The following GNG2 variants were observed in gnomAD, a reference collection of about 807,000 sequenced individuals.
The protein encoded by GNG2 is G protein subunit gamma 2.
A neutral mutation model predicts 5.5 loss-of-function variants in GNG2; 5 were observed. The ratio of observed to expected loss-of-function variants is 0.91; its 90% CI spans 0.48 to 1.92. The LOEUF (loss-of-function observed/expected upper bound fraction) is 1.92, where lower values mean the gene tolerates loss of function less well. GNG2 is among the 30% of genes most tolerant of loss of function. GNG2 has a pLI of 0.01. For missense variants in GNG2, 55 were observed against 88.4 expected (o/e 0.62, Z 1.52); for synonymous variants, 28 against 32.0 (o/e 0.88, Z 0.42).
intron 2 of GNG2, among the ~76,000 whole-genome samples, chr14:51,932,902 T>TG (rs550150884): frequency 6.2e-4 from 85 of 136,926 alleles, no homozygotes; most frequent in African/African-American, 2.2e-3. Flanking sequence ...GGGGGTGGGG[T>TG]GGGGGCGCCT....
At chr14:51,858,967 T>C (rs1882291778), upstream of GNG2, among the ~76,000 whole-genome samples, 1 of 152,226 alleles carries the variant, frequency 6.6e-6, no homozygotes, top group Non-Finnish European at 1.5e-5. Context: ...TTTGGGACTG[T>C]CTCAGAACAT....
At chr14:51,950,945 A>T (rs1226405024) in intron 3 of GNG2, among the ~76,000 whole-genome samples, 180 bp downstream of exon 3, 3 of 152,142 alleles carry the variant, frequency 2.0e-5, no homozygotes, top group Non-Finnish European at 4.4e-5. Context: ...AATGAATTAG[A>T]TCCTCTTTCC....
intron 2 of GNG2, among the ~76,000 whole-genome samples, chr14:51,902,521 T>G (rs891864937): frequency 1.3e-5 from 2 of 152,324 alleles, no homozygotes; most frequent in Non-Finnish European, 2.9e-5. Context: ...TATGAACAAC[T>G]CTTCAACCTC....
intron 2 of GNG2, chr14:51,916,592 T>C: frequency 2.4e-6 from 1 of 420,412 alleles, no homozygotes; most frequent in Non-Finnish European, 4.7e-6. Context: ...GCTTCAACAG[T>C]GGCCATTGAG....
upstream of GNG2, among the ~76,000 whole-genome samples, chr14:51,858,346 G>A (rs1882258184): frequency 6.6e-6 from 1 of 152,160 alleles, no homozygotes; most frequent in Non-Finnish European, 1.5e-5. Flanking sequence ...ATAGAGTTTT[G>A]TTGGCACCTC....
At chr14:51,899,379 T>A (rs1372721507) in intron 2 of GNG2, among the ~76,000 whole-genome samples, 3 of 152,198 alleles carry the variant, frequency 2.0e-5, no homozygotes, top group Admixed American at 2.0e-4. Context: ...GTTCCGACAT[T>A]AAACAGAATT....
chr14:51,893,401 C>T lies in GNG2; in HGVS notation c.-30+15744C>T, dbSNP rs1022342024. On this transcript the variant is annotated intron_variant, in intron 2 of 3. Coordinates refer to ENST00000556766, the MANE Select transcript of GNG2 (RefSeq NM_053064.5). Reference sequence around the variant, plus strand: ...TTTGCATTTTCTCTTCTGTGAATGTCGTTTTGAATCCTTTGCCCATGTTTT... The same window carrying T: ...TTTGCATTTTCTCTTCTGTGAATGTTGTTTTGAATCCTTTGCCCATGTTTT... 6.6e-5 allele frequency among the ~76,000 whole-genome samples: 10 copies of T among 152,188 alleles called. No individual in the cohort carries two copies. The South Asian group carries it at 1.9e-3, about 28-fold the overall frequency.
chr14:51,934,249 C>G (rs1305242161), intron 2 of GNG2, among the ~76,000 whole-genome samples: 3 of 152,192 alleles, frequency 2.0e-5, no homozygotes, highest in African/African-American at 4.8e-5. Flanking sequence ...GTCAAAGAAT[C>G]ACTAGTGTCA....
intron 2 of GNG2, among the ~76,000 whole-genome samples, chr14:51,887,242 CTCAGAGCAGCT>C (rs1314859291): frequency 6.6e-6 from 1 of 152,178 alleles, no homozygotes; most frequent in East Asian, 1.9e-4. Context: ...AGCTGGACCC[CTCAGAGCAGCT>C]TTAGATAGCC....
At chr14:51,889,886 TTATCTAATCACTC>T (rs1325667259) in intron 2 of GNG2, among the ~76,000 whole-genome samples, 8 of 152,198 alleles carry the variant, frequency 5.3e-5, no homozygotes. Context: ...TGCATTCAGA[TTATCTAATCACTC>T]TTTCCTCTAG....
At chr14:51,867,493 G>C (rs1882981048) in intron 1 of GNG2, among the ~76,000 whole-genome samples, 1 of 152,130 alleles carries the variant, frequency 6.6e-6, no homozygotes, top group African/African-American at 2.4e-5. Context: ...CAACTTCACT[G>C]TCTTCCTCAC....
At chr14:51,902,650 T>A (rs1435661339) in intron 2 of GNG2, among the ~76,000 whole-genome samples, 3 of 152,188 alleles carry the variant, frequency 2.0e-5, no homozygotes, top group Non-Finnish European at 2.9e-5. Context: ...CCTAGCACTT[T>A]GGGAGGCGAA....
chr14:51,827,554 GAT>G (rs1338786371), intron 1 of GNG2: 1 of 586,994 alleles, frequency 1.7e-6, no homozygotes, highest in Admixed American at 3.1e-5. Flanking sequence ...GGTATTTTTT[GAT>G]GTCATACAGT....
At chr14:51,932,865 A>T (rs375619214) in intron 2 of GNG2, among the ~76,000 whole-genome samples, 2 of 150,320 alleles carry the variant, frequency 1.3e-5, no homozygotes, top group Non-Finnish European at 3.0e-5. Flanking sequence ...AGCTCTGGAT[A>T]TGGAACAGTT....
chr14:51,893,132 CAG>C (rs757854866), intron 2 of GNG2, among the ~76,000 whole-genome samples: 3 of 152,290 alleles, frequency 2.0e-5, no homozygotes, highest in Non-Finnish European at 4.4e-5. Context: ...GAATCCCAAA[CAG>C]GGGGATTGTT....
intron 1 of GNG2, among the ~76,000 whole-genome samples, chr14:51,864,141 C>T (rs1489960677): frequency 1.3e-5 from 2 of 152,164 alleles, no homozygotes; most frequent in Non-Finnish European, 2.9e-5. Flanking sequence ...AACAAGGATT[C>T]CAACTTCTCC....
At chr14:51,849,326 G>A (rs942128140) in intron 2 of GNG2, among the ~76,000 whole-genome samples, 4 of 152,200 alleles carry the variant, frequency 2.6e-5, no homozygotes, top group Admixed American at 1.3e-4. Context: ...TACAGGGCCT[G>A]TTATGACCTA....
At chr14:51,890,994 A>G (rs535156113) in intron 2 of GNG2, among the ~76,000 whole-genome samples, 2 of 152,306 alleles carry the variant, frequency 1.3e-5, no homozygotes, top group South Asian at 4.1e-4. Context: ...GAGAAGTGAC[A>G]AGACAATGGA....
Position 51,941,524 on chromosome 14 carries a change from T to C in GNG2, c.-29-9126T>C, listed in dbSNP as rs533564691. Among the ~76,000 whole-genome samples the C allele has an allele frequency of 5.7e-4, 87 of 152,300 alleles. 1 individual carries two copies. In the South Asian group the frequency reaches 0.017, roughly 30 times the overall value. ...GTCCTGAGAAACATACAGTTGTAAT[T>C]GAAATTACAGGCCTTAGGGAAGTCT... On this transcript the variant is annotated intron_variant, in intron 2 of 3. Coordinates refer to ENST00000556766, the MANE Select transcript of GNG2 (RefSeq NM_053064.5).
Sources: gnomAD v4.1 joint callset for allele counts (sites outside exome capture counted in the v4.1 genomes callset) on GRCh38, gnomAD v4.1.1 for gene constraint, MANE v1.5 for transcripts, NCBI Gene and HGNC (gene_info 2026-07-23, HGNC 2026-07-21) for gene names.